The following ZNF714 variants were observed in gnomAD, a reference collection of about 807,000 sequenced individuals.
The protein encoded by ZNF714 is zinc finger protein 714.
A neutral mutation model predicts 46.2 loss-of-function variants in ZNF714; 32 were observed. The ratio of observed to expected loss-of-function variants is 0.69; its 90% CI spans 0.52 to 0.93. The LOEUF (loss-of-function observed/expected upper bound fraction) is 0.93. Ranked by LOEUF, ZNF714 falls within the 40% of genes least tolerant of loss-of-function variation. The pLI is 0.00. For synonymous variants in ZNF714, 199 were observed against 213.1 expected (o/e 0.93, Z 0.58); for missense variants, 635 against 646.3 (o/e 0.98, Z 0.19).
intron 1 of ZNF714, among the ~76,000 whole-genome samples, 173 bp downstream of exon 1, chr19:21,082,521 C>A (rs1968677387): frequency 6.6e-6 from 1 of 152,162 alleles, no homozygotes; most frequent in Non-Finnish European, 1.5e-5. Context: ...GGCGGCTGCG[C>A]TGACTGCGGG....
chr19:21,085,119 C>G (rs1234202057), intron 2 of ZNF714, among the ~76,000 whole-genome samples: 1 of 152,038 alleles, frequency 6.6e-6, no homozygotes, highest in African/African-American at 2.4e-5. Context: ...TTTTAGAATG[C>G]TAGCTACCGA....
At position 21,118,432 on chromosome 19, in the gene ZNF714, A is replaced by G; in HGVS notation, c.*100A>G. 1 of 382,762 alleles carries G rather than the reference A, an allele frequency of 2.6e-6. No individual in the cohort carries two copies. The highest frequency in any genetic ancestry group is 4.6e-6 in the Non-Finnish European group (1 of 215,524). The allele number at this position is 382,762 out of a possible 1,614,324, so 23.7% of individuals were successfully genotyped here. On this transcript the variant is annotated 3_prime_UTR_variant, in exon 5 of 5. Coordinates refer to ENST00000456283, the MANE Select transcript of ZNF714 (RefSeq NM_182515.4). ...GCGCCATTCTACTCCAGCCTGGGCC[A>G]CAAGGCAAGACTCTGTCTCAAAAAA...
chr19:21,099,894 C>T (rs11669241), intron 4 of ZNF714, among the ~76,000 whole-genome samples: 123,129 of 152,130 alleles, frequency 0.81, 52,238 homozygotes, highest in Middle Eastern at 0.93. Flanking sequence ...CTCGCTCTGT[C>T]ACCCAGGCTG....
In ZNF714 at chr19:21,118,575, A is replaced by G; in HGVS notation, c.*243A>G. The G allele has an allele frequency of 3.5e-6, 1 of 288,106 alleles. No individual in the cohort carries two copies. Among genetic ancestry groups the G allele is most frequent in the Non-Finnish European group, 6.8e-6 (1 of 147,234 alleles). 17.8% of individuals were successfully genotyped at this position (288,106 alleles called of 1,614,324 possible). On this transcript the variant is annotated 3_prime_UTR_variant, in exon 5 of 5. Coordinates refer to ENST00000456283, the MANE Select transcript of ZNF714 (RefSeq NM_182515.4). ...AAGAAAATAATTTATACTGGAGAGAAATTCTACAAATGTGAAGAATATGGC... is the reference window on the plus strand; with the variant it reads ...AAGAAAATAATTTATACTGGAGAGAGATTCTACAAATGTGAAGAATATGGC...
chr19:21,086,504 G>A (rs1968782601), intron 2 of ZNF714, among the ~76,000 whole-genome samples: 1 of 152,118 alleles, frequency 6.6e-6, no homozygotes, highest in Non-Finnish European at 1.5e-5. Flanking sequence ...AACTTCTGAT[G>A]TTTCCATGGC....
intron 4 of ZNF714, among the ~76,000 whole-genome samples, chr19:21,100,506 T>C (rs1969152197): frequency 6.6e-6 from 1 of 152,006 alleles, no homozygotes. Context: ...CACTCCAGCC[T>C]GGGCAGCATG....
Position 21,118,147 on chromosome 19 carries a change from A to G in ZNF714, c.1483A>G (p.Thr495Ala), listed in dbSNP as rs899699691. 2.5e-6 allele frequency: 4 copies of G among 1,613,494 alleles called. No individual in the cohort carries two copies. The Admixed American group carries it at 5.0e-5, about 20-fold the overall frequency. Residue 495 changes from threonine (T) to alanine (A), a missense_variant, in exon 5 of 5, where the codon ACT becomes GCT. Transcript: ENST00000456283. ...ECGKAFNQSS[T>A]LTKHRKIQQG... Reference sequence around the variant, plus strand: ...TGGTAAAGCCTTTAACCAATCCTCAACTCTTACTAAACATAGGAAAATTCA... The same window carrying G: ...TGGTAAAGCCTTTAACCAATCCTCAGCTCTTACTAAACATAGGAAAATTCA...
intron 4 of ZNF714, 138 bp from the exon 5 acceptor site, chr19:21,116,669 G>A: frequency 9.6e-7 from 1 of 1,046,526 alleles, no homozygotes; most frequent in Non-Finnish European, 1.3e-6. Context: ...ACATTTATAT[G>A]TCTATGAAGG....
chr19:21,118,983 C>T lies in ZNF714; in HGVS notation c.*651C>T. On this transcript the variant is annotated 3_prime_UTR_variant, in exon 5 of 5. Coordinates refer to ENST00000456283, the MANE Select transcript of ZNF714 (RefSeq NM_182515.4). ...CTTATTGCACAGGAAAGCATTTGTA[C>T]TTGAGATAAATTATACAAATATAAA... 3.0e-6 allele frequency: 1 copy of T among 328,668 alleles called. No individual in the cohort carries two copies. The highest frequency in any genetic ancestry group is 2.2e-5 in the South Asian group (1 of 44,580). The allele number at this position is 328,668 out of a possible 1,614,324, so 20.4% of individuals were successfully genotyped here.
chr19:21,098,519 C>G (rs1250641468), intron 3 of ZNF714, among the ~76,000 whole-genome samples: 2 of 152,160 alleles, frequency 1.3e-5, no homozygotes, highest in Non-Finnish European at 2.9e-5. Flanking sequence ...CTGAGCTGAT[C>G]TGCATCCTTC....
At chr19:21,114,435 CAA>C (rs34487712) in intron 4 of ZNF714, among the ~76,000 whole-genome samples, 10 of 124,848 alleles carry the variant, frequency 8.0e-5, no homozygotes, top group African/African-American at 6.1e-5. Flanking sequence ...GACTCCATCT[CAA>C]AAAAAAAAAA....
chr19:21,114,942 T>A (rs761731778), intron 4 of ZNF714, among the ~76,000 whole-genome samples: 15 of 152,172 alleles, frequency 9.9e-5, no homozygotes, highest in Non-Finnish European at 2.1e-4. Flanking sequence ...TTTATTTGAT[T>A]CTTGTATCTT....
At chr19:21,097,311 T>G (rs1341268583) in intron 2 of ZNF714, among the ~76,000 whole-genome samples, 1 of 152,192 alleles carries the variant, frequency 6.6e-6, no homozygotes, top group Non-Finnish European at 1.5e-5. Context: ...CGCATGAAAC[T>G]GATTTTTTCT....
rs956432815 is a variant in ZNF714 at position 21,123,346 on chromosome 19, TTTTTTATTTTTAC to T, written c.*5026_*5038del. ...TAATAGTAAACGAATTTAATTTTCT[TTTTTTATTTTTAC>T]TTTTTATTTTTTAGAGACAGAGTCT... is the stretch of plus-strand genomic sequence containing the variant. On this transcript the variant is annotated 3_prime_UTR_variant, in exon 5 of 5. Transcript: ENST00000456283. 6.6e-6 allele frequency among the ~76,000 whole-genome samples: 1 copy of T among 152,036 alleles called. No homozygotes were observed. The highest frequency in any genetic ancestry group is 2.4e-5 in the African/African-American group (1 of 41,410).
At chr19:21,100,123 G>A (rs1017047503) in intron 4 of ZNF714, among the ~76,000 whole-genome samples, 2 of 151,798 alleles carry the variant, frequency 1.3e-5, no homozygotes, top group Non-Finnish European at 2.9e-5. Context: ...CAAAGTGCTG[G>A]GATTACAGGC....
intron 2 of ZNF714, among the ~76,000 whole-genome samples, chr19:21,095,603 C>T (rs1480524733): frequency 1.3e-5 from 2 of 151,930 alleles, no homozygotes; most frequent in African/African-American, 4.8e-5. Context: ...GCTGGGACTA[C>T]AGGCGCCCGC....
At chr19:21,084,818 C>G (rs1968737539) in intron 2 of ZNF714, among the ~76,000 whole-genome samples, 1 of 151,530 alleles carries the variant, frequency 6.6e-6, no homozygotes, top group South Asian at 2.1e-4. Context: ...ATTTTCCTGC[C>G]TCAGCTGGCC....
At chr19:21,111,715 G>C (rs1349053265) in intron 4 of ZNF714, among the ~76,000 whole-genome samples, 1 of 152,172 alleles carries the variant, frequency 6.6e-6, no homozygotes, top group South Asian at 2.1e-4. Flanking sequence ...TTGGCTGTGA[G>C]TTTGTCATAG....
chr19:21,087,693 C>G, intron 2 of ZNF714, among the ~76,000 whole-genome samples: 1 of 152,182 alleles, frequency 6.6e-6, no homozygotes. Flanking sequence ...ACCCATTTAA[C>G]TTTATATGTT....
Sources: gnomAD v4.1 joint callset for allele counts (sites outside exome capture counted in the v4.1 genomes callset) on GRCh38, gnomAD v4.1.1 for gene constraint, MANE v1.5 for transcripts, NCBI Gene and HGNC (gene_info 2026-07-23, HGNC 2026-07-21) for gene names.